CHLSN: variants seen among roughly 807,000 people sequenced by gnomAD.
The protein encoded by CHLSN is cholesin.
the CHLSN span, among the ~76,000 whole-genome samples, chr7:1,052,291 C>T: frequency 9.8e-5 from 15 of 152,358 alleles, no homozygotes; most frequent in South Asian, 2.1e-3. This position sits in a 1 kb window ranked among gnomAD's most constrained non-coding sequence, Gnocchi z 4.2. Flanking sequence ...GCGTCCAGCT[C>T]GGCTGGGGAC....
the CHLSN span, among the ~76,000 whole-genome samples, chr7:1,089,811 G>A: frequency 5.3e-5 from 8 of 151,280 alleles, no homozygotes; most frequent in Admixed American, 6.6e-5. Flanking sequence ...GGCCCGGCGC[G>A]GTGGATCACA....
At chr7:1,117,305 A>T in the CHLSN span, among the ~76,000 whole-genome samples, 2 of 20,478 alleles carry the variant, frequency 9.8e-5, 1 homozygote, top group Non-Finnish European at 1.6e-4. Flanking sequence ...TGACATCACT[A>T]CAGCTCTACA....
the CHLSN span, among the ~76,000 whole-genome samples, chr7:1,115,236 T>C: frequency 6.6e-6 from 1 of 152,238 alleles, no homozygotes; most frequent in African/African-American, 2.4e-5. Context: ...TTGATTTTCA[T>C]CATGTCTGGG....
the CHLSN span, chr7:986,963 C>G: frequency 1.0e-4 from 135 of 1,328,542 alleles, no homozygotes; most frequent in African/African-American, 1.4e-3. Flanking sequence ...ACGGGGCATC[C>G]ATAGTGCCTG....
At chr7:1,029,711 G>A in the CHLSN span, among the ~76,000 whole-genome samples, 11 of 149,688 alleles carry the variant, frequency 7.3e-5, no homozygotes, top group Admixed American at 2.0e-4. Context: ...CTCTGGTCGC[G>A]GGGCCCTGCT....
chr7:1,136,291 T>C, the CHLSN span, among the ~76,000 whole-genome samples: 1 of 117,340 alleles, frequency 8.5e-6, no homozygotes, highest in African/African-American at 3.5e-5. Flanking sequence ...TATATAAATA[T>C]ATATAAACAT....
the CHLSN span, chr7:1,093,335 C>T: frequency 1.1e-4 from 45 of 422,592 alleles, no homozygotes; most frequent in Admixed American, 9.2e-4. Context: ...CTGGACGTCG[C>T]GGTGTGTCCT....
chr7:980,546 T>C, the CHLSN span, among the ~76,000 whole-genome samples: 1 of 152,196 alleles, frequency 6.6e-6, no homozygotes, highest in African/African-American at 2.4e-5. Context: ...CAGATATTTT[T>C]ATCAGGATGT....
At chr7:1,053,769 G>T in the CHLSN span, among the ~76,000 whole-genome samples, 1 of 152,226 alleles carries the variant, frequency 6.6e-6, no homozygotes, top group South Asian at 2.1e-4. Flanking sequence ...GGAGGTTGCA[G>T]TGAGCTGAGA....
the CHLSN span, chr7:984,354 A>T: frequency 1.5e-4 from 224 of 1,465,812 alleles, 1 homozygote; most frequent in Non-Finnish European, 1.9e-4. Flanking sequence ...GCCTGAGGGG[A>T]CCTAAGGGGG....
the CHLSN span, among the ~76,000 whole-genome samples, chr7:1,057,062 G>C: frequency 6.6e-6 from 1 of 152,126 alleles, no homozygotes; most frequent in Admixed American, 6.5e-5. Flanking sequence ...GAGGGAGGGA[G>C]GGAGGCTCAG....
the CHLSN span, among the ~76,000 whole-genome samples, chr7:1,036,109 G>A: frequency 6.6e-6 from 1 of 152,240 alleles, no homozygotes; most frequent in East Asian, 1.9e-4. Flanking sequence ...TGGTGGTGGG[G>A]AGGGAGGGAT....
chr7:1,020,212 T>TCC, the CHLSN span, among the ~76,000 whole-genome samples: 2 of 152,138 alleles, frequency 1.3e-5, no homozygotes, highest in South Asian at 4.1e-4. Context: ...CGGAGTGCAT[T>TCC]CCCTCATGCT....
chr7:1,127,539 C>T, the CHLSN span, among the ~76,000 whole-genome samples: 1 of 150,862 alleles, frequency 6.6e-6, no homozygotes, highest in Admixed American at 6.6e-5. Flanking sequence ...CTCAAACTCC[C>T]ACATTTCATA....
chr7:1,084,342 A>G, the CHLSN span, among the ~76,000 whole-genome samples: 3 of 152,226 alleles, frequency 2.0e-5, no homozygotes, highest in Admixed American at 1.3e-4. Flanking sequence ...TTGACTCTCC[A>G]TCATCAGAGA....
chr7:1,016,707 G>A, the CHLSN span, among the ~76,000 whole-genome samples: 481 of 44,884 alleles, frequency 0.011, 17 homozygotes, highest in African/African-American at 0.055. Flanking sequence ...GCCAGCACAC[G>A]CCAGCGCACA....
At chr7:1,018,888 G>A in the CHLSN span, among the ~76,000 whole-genome samples, 1 of 152,142 alleles carries the variant, frequency 6.6e-6, no homozygotes, top group South Asian at 2.1e-4. Flanking sequence ...TCCCTCCCAG[G>A]TGTTCCATAG....
chr7:987,939 G>GA, the CHLSN span, among the ~76,000 whole-genome samples: 1 of 146,482 alleles, frequency 6.8e-6, no homozygotes, highest in Non-Finnish European at 1.5e-5. Context: ...GTCCTGGGGG[G>GA]GTCCCCTGTG....
chr7:1,028,754 C>G, the CHLSN span: 6 of 783,192 alleles, frequency 7.7e-6, no homozygotes, highest in African/African-American at 2.1e-5. Context: ...CTCCCCCAGT[C>G]TGTCCCCATC....
Sources: gnomAD v4.1 joint callset for allele counts (sites outside exome capture counted in the v4.1 genomes callset) on GRCh38, gnomAD v4.1.1 for gene constraint, Gnocchi (gnomAD v3.1) non-coding constraint, MANE v1.5 for transcripts, NCBI Gene and HGNC (gene_info 2026-07-23, HGNC 2026-07-21) for gene names.